Variants in MGMT observed in about 807,000 individuals in gnomAD.
MGMT encodes O-6-methylguanine-DNA methyltransferase.
A neutral mutation model predicts 15.9 loss-of-function variants in MGMT; 14 were observed. That is an observed-to-expected ratio of 0.88 (90% CI 0.58 to 1.37). MGMT has a LOEUF of 1.37. Ranked by LOEUF, MGMT falls within the 40% of genes most tolerant of loss-of-function variation. The pLI is 0.00. For missense variants in MGMT, 282 were observed against 268.1 expected (o/e 1.05, Z -0.36); for synonymous variants, 130 against 118.2 (o/e 1.10, Z -0.65).
At chr10:129,606,113 T>C (rs938750492) in intron 2 of MGMT, among the ~76,000 whole-genome samples, 1 of 152,126 alleles carries the variant, frequency 6.6e-6, no homozygotes, top group Admixed American at 6.5e-5. Flanking sequence ...AGGCTTGACA[T>C]AAGTAATGAT....
At chr10:129,468,940 A>C (rs1393090971) in intron 1 of MGMT, among the ~76,000 whole-genome samples, 2 of 152,212 alleles carry the variant, frequency 1.3e-5, no homozygotes, top group African/African-American at 4.8e-5. Context: ...AGTATTAGGC[A>C]CTACTTTAAA....
At chr10:129,519,158 G>T (rs745449965) in intron 1 of MGMT, among the ~76,000 whole-genome samples, 1 of 152,176 alleles carries the variant, frequency 6.6e-6, no homozygotes, top group Non-Finnish European at 1.5e-5. Context: ...GAGGGGAAAG[G>T]CCTGTCCCTT....
chr10:129,685,746 G>A (rs1254669784), intron 2 of MGMT, among the ~76,000 whole-genome samples: 2 of 152,188 alleles, frequency 1.3e-5, no homozygotes, highest in African/African-American at 2.4e-5. Flanking sequence ...ATTGCAAGAA[G>A]TCTAATGAAG....
intron 2 of MGMT, among the ~76,000 whole-genome samples, chr10:129,689,792 G>A (rs1298312253): frequency 6.6e-6 from 1 of 152,240 alleles, no homozygotes; most frequent in Non-Finnish European, 1.5e-5. Flanking sequence ...ATTGCCTCAT[G>A]CTGCTGTGTG....
chr10:129,704,953 C>T (rs1406366961), intron 2 of MGMT, among the ~76,000 whole-genome samples: 2 of 152,272 alleles, frequency 1.3e-5, no homozygotes, highest in East Asian at 1.9e-4. Context: ...GACCTCAAAG[C>T]GAAGTAACCC....
chr10:129,488,018 C>T lies in MGMT; in HGVS notation c.-13+20722C>T, dbSNP rs1306053968. Among the ~76,000 whole-genome samples the T allele has an allele frequency of 2.7e-5, 4 of 150,732 alleles. No individual in the cohort carries two copies. The East Asian group carries it at 5.9e-4, about 22-fold the overall frequency. ...ACACATAGGTATACACACACACACA[C>T]ACACACACACACACACACACACATG... On this transcript the variant is annotated intron_variant, in intron 1 of 4. Coordinates refer to ENST00000651593, the MANE Select transcript of MGMT (RefSeq NM_002412.5).
chr10:129,736,741 T>C (rs906437013), intron 3 of MGMT, among the ~76,000 whole-genome samples: 22 of 152,116 alleles, frequency 1.4e-4, no homozygotes, highest in Middle Eastern at 3.4e-3. Flanking sequence ...AGGAGCTCTT[T>C]TAGGGCAGGC....
chr10:129,586,486 T>C (rs1257145042), intron 2 of MGMT, among the ~76,000 whole-genome samples: 3 of 152,272 alleles, frequency 2.0e-5, no homozygotes, highest in Admixed American at 1.3e-4. Context: ...TGAATGGAAT[T>C]ATAACGTATA....
intron 2 of MGMT, among the ~76,000 whole-genome samples, chr10:129,604,618 T>C (rs978326175): frequency 2.6e-5 from 4 of 151,950 alleles, no homozygotes; most frequent in East Asian, 1.9e-4. Context: ...ACTCTCTTGG[T>C]GTGGGTAGTG....
intron 2 of MGMT, among the ~76,000 whole-genome samples, chr10:129,567,163 A>G (rs756590048): frequency 2.6e-5 from 4 of 152,012 alleles, no homozygotes; most frequent in African/African-American, 9.7e-5. Flanking sequence ...GCGGACTCCC[A>G]CTGCGTTCAG....
chr10:129,678,658 A>G (rs1385264870), intron 2 of MGMT, among the ~76,000 whole-genome samples: 1 of 152,158 alleles, frequency 6.6e-6, no homozygotes, highest in Non-Finnish European at 1.5e-5. Flanking sequence ...AAATGTAACC[A>G]AACCCTCAGT....
At chr10:129,642,737 C>T (rs2133090967) in intron 2 of MGMT, among the ~76,000 whole-genome samples, 1 of 152,238 alleles carries the variant, frequency 6.6e-6, no homozygotes, top group African/African-American at 2.4e-5. Flanking sequence ...GGTGTATGTT[C>T]CTGGCCTGAT....
chr10:129,646,869 G>A (rs564311920), intron 2 of MGMT, among the ~76,000 whole-genome samples: 17 of 150,902 alleles, frequency 1.1e-4, no homozygotes, highest in South Asian at 2.1e-4. Flanking sequence ...TTTGGGCAGC[G>A]GGTGAAGGAC....
In MGMT at chr10:129,737,092, C is replaced by G. The variant is rs981945140; in HGVS notation, c.275-22110C>G. 6.2e-3 allele frequency among the ~76,000 whole-genome samples: 938 copies of G among 151,844 alleles called. 8 individuals are homozygous for G. The highest frequency in any genetic ancestry group is 0.021 in the African/African-American group (861 of 41,446). On this transcript the variant is annotated intron_variant, in intron 3 of 4. Coordinates refer to ENST00000651593, the MANE Select transcript of MGMT (RefSeq NM_002412.5). ...GTGGCATTCTCTGTATTTCCTGAAT[C>G]TGAATGTTGGCCTGCCTTGCTAGAT...
chr10:129,476,811 TCTATC>T (rs1845300279), intron 1 of MGMT, among the ~76,000 whole-genome samples: 1 of 152,154 alleles, frequency 6.6e-6, no homozygotes, highest in Non-Finnish European at 1.5e-5. Flanking sequence ...GCCTCCCTCT[TCTATC>T]TTTAAGACAC....
intron 2 of MGMT, among the ~76,000 whole-genome samples, chr10:129,617,686 T>A (rs1300074098): frequency 1.3e-5 from 2 of 152,220 alleles, no homozygotes; most frequent in African/African-American, 4.8e-5. Context: ...ATTAGTGATG[T>A]TGAGCATTTT....
chr10:129,514,615 C>T (rs997918107), intron 1 of MGMT, among the ~76,000 whole-genome samples: 19 of 151,942 alleles, frequency 1.3e-4, no homozygotes, highest in African/African-American at 4.6e-4. Flanking sequence ...ATGTTGAAAC[C>T]TCGCCCGTAA....
At chr10:129,733,155 C>T (rs1451202314) in intron 3 of MGMT, among the ~76,000 whole-genome samples, 3 of 135,008 alleles carry the variant, frequency 2.2e-5, no homozygotes, top group African/African-American at 8.2e-5. Flanking sequence ...AATGGTTGAA[C>T]TAGTTTACAG....
At chr10:129,760,899 A>G (rs923944715) in intron 4 of MGMT, among the ~76,000 whole-genome samples, 19 of 152,158 alleles carry the variant, frequency 1.2e-4, no homozygotes, top group Non-Finnish European at 2.8e-4. Context: ...CACCTGTTGC[A>G]CATTAATTGC....
Sources: gnomAD v4.1 joint callset for allele counts (sites outside exome capture counted in the v4.1 genomes callset) on GRCh38, gnomAD v4.1.1 for gene constraint, MANE v1.5 for transcripts, NCBI Gene and HGNC (gene_info 2026-07-23, HGNC 2026-07-21) for gene names.